The following EFHC2 variants were observed in gnomAD, a reference collection of about 807,000 sequenced individuals.
EFHC2 encodes the protein EF-hand domain-containing family member C2.
Under a neutral mutation model 52.7 loss-of-function variants are expected in EFHC2, and 18 were observed. The ratio of observed to expected loss-of-function variants is 0.34; its 90% confidence interval spans 0.24 to 0.51. EFHC2 has a LOEUF of 0.51. Among genes scored for constraint, EFHC2 ranks in the 20% least tolerant of loss-of-function variants. EFHC2 has a pLI of 0.97. For synonymous variants in EFHC2, 203 were observed against 204.1 expected (o/e 0.99, Z 0.04); for missense variants, 513 against 562.5 (o/e 0.91, Z 0.89).
At chrX:44,320,999 C>T (rs142735029) in intron 1 of EFHC2, among the ~76,000 whole-genome samples, 1,173 of 111,605 alleles carry the variant, frequency 0.011, 9 homozygotes, top group Non-Finnish European at 0.016. Context: ...GAAAGGATCG[C>T]TCTGGCCACA....
chrX:44,151,045 C>T (rs188615891), intron 14 of EFHC2, among the ~76,000 whole-genome samples: 1 of 110,218 alleles, frequency 9.1e-6, no homozygotes, highest in African/African-American at 3.3e-5. Flanking sequence ...AGGTTTGCAG[C>T]TGCAAACCAA....
intron 11 of EFHC2, among the ~76,000 whole-genome samples, chrX:44,193,493 C>T (rs73628316): frequency 0.065 from 7,240 of 111,712 alleles, 587 homozygotes; most frequent in African/African-American, 0.23. Flanking sequence ...AACTAGTTTC[C>T]TACAACAAAC....
intron 4 of EFHC2, among the ~76,000 whole-genome samples, chrX:44,251,597 T>TAAAAAAA (rs566022760): frequency 4.0e-4 from 5 of 12,553 alleles, no homozygotes; most frequent in Non-Finnish European, 6.2e-4. Flanking sequence ...CAATACTCTG[T>TAAAAAAA]AAAAAAAAAA....
chrX:44,261,430 C>CA, intron 3 of EFHC2, 132 bp from the exon 4 acceptor site: 1 of 505,708 alleles, frequency 2.0e-6, no homozygotes, highest in Non-Finnish European at 3.1e-6. Context: ...TAGGAAGCAG[C>CA]ATTAGTACAT....
At chrX:44,340,898 A>G (rs1429122280) in intron 1 of EFHC2, among the ~76,000 whole-genome samples, 4 of 112,290 alleles carry the variant, frequency 3.6e-5, no homozygotes, top group Non-Finnish European at 5.6e-5. Context: ...GACAGCATCT[A>G]CTACAGCTGA....
intron 11 of EFHC2, among the ~76,000 whole-genome samples, chrX:44,197,677 T>C (rs958347630): frequency 5.4e-5 from 6 of 112,121 alleles, no homozygotes; most frequent in Admixed American, 1.9e-4. Context: ...TATATGTTTA[T>C]TGAATGAAGA....
Position 44,343,640 on chromosome X carries a change from A to C in EFHC2, c.-52T>G. Reference sequence around the variant, plus strand: ...TCCCAGAAGAGAGGGCCCGGCAGGCAGCGGCGCCTCCCGGCCGTGTTGTTT... The same window carrying C: ...TCCCAGAAGAGAGGGCCCGGCAGGCCGCGGCGCCTCCCGGCCGTGTTGTTT... On this transcript the variant is annotated 5_prime_UTR_variant, in exon 1 of 15. Coordinates refer to ENST00000420999, the MANE Select transcript of EFHC2 (RefSeq NM_025184.4). 1.0e-6 allele frequency: 1 copy of C among 972,164 alleles called. No homozygotes were observed. The highest frequency in any genetic ancestry group is 1.3e-6 in the Non-Finnish European group (1 of 763,471). The allele number at this position is 972,164 out of a possible 1,213,427, so 80.1% of individuals were successfully genotyped here.
At chrX:44,156,176 C>T (rs2036604532) in intron 14 of EFHC2, among the ~76,000 whole-genome samples, 1 of 112,133 alleles carries the variant, frequency 8.9e-6, no homozygotes, top group Non-Finnish European at 1.9e-5. Context: ...TGGACATAAC[C>T]CGATGCTATA....
At chrX:44,215,557 G>A (rs1000703016) in intron 11 of EFHC2, among the ~76,000 whole-genome samples, 1 of 108,400 alleles carries the variant, frequency 9.2e-6, no homozygotes, top group Non-Finnish European at 1.9e-5. Context: ...GTTGGAAGGG[G>A]GAAGGCAGCG....
At chrX:44,242,957 C>A (rs1403836361) in intron 7 of EFHC2, among the ~76,000 whole-genome samples, 1 of 111,953 alleles carries the variant, frequency 8.9e-6, no homozygotes, top group Non-Finnish European at 1.9e-5. Flanking sequence ...AGCGAACAAA[C>A]AAAACAGAAA....
At chrX:44,243,479 A>C (rs983221361) in intron 7 of EFHC2, among the ~76,000 whole-genome samples, 7 of 112,151 alleles carry the variant, frequency 6.2e-5, no homozygotes, top group African/African-American at 2.3e-4. Context: ...CTAACTCTTA[A>C]TATTAAGGTG....
At chrX:44,233,738 C>T (rs2037297212) in intron 9 of EFHC2, among the ~76,000 whole-genome samples, 2 of 111,576 alleles carry the variant, frequency 1.8e-5, no homozygotes, top group Middle Eastern at 4.6e-3. Context: ...TGAAAATGTA[C>T]TTCTCAGGTC....
chrX:44,250,964 C>A (rs1048548157), intron 4 of EFHC2, among the ~76,000 whole-genome samples: 5 of 109,774 alleles, frequency 4.6e-5, no homozygotes, highest in Non-Finnish European at 9.5e-5. Flanking sequence ...ACTGGCCGGG[C>A]GCGGTGGCTC....
chrX:44,331,662 A>G (rs1285527935), intron 1 of EFHC2, among the ~76,000 whole-genome samples: 1 of 112,161 alleles, frequency 8.9e-6, no homozygotes, highest in Non-Finnish European at 1.9e-5. Context: ...CACACCTGTA[A>G]TCTCAACACT....
At chrX:44,277,173 G>A (rs2037664990) in intron 2 of EFHC2, among the ~76,000 whole-genome samples, 1 of 107,378 alleles carries the variant, frequency 9.3e-6, no homozygotes, top group Non-Finnish European at 1.9e-5. Flanking sequence ...GCAGGAGAAT[G>A]GCATGAACCT....
At chrX:44,312,863 C>A (rs1208722482) in intron 1 of EFHC2, 107 bp from the exon 2 acceptor site, 2 of 761,940 alleles carry the variant, frequency 2.6e-6, no homozygotes, top group Non-Finnish European at 1.8e-6. Context: ...TTTTCCCTCA[C>A]AAAATGCAAA....
chrX:44,337,192 G>A (rs1156328066), intron 1 of EFHC2, among the ~76,000 whole-genome samples: 1 of 111,627 alleles, frequency 9.0e-6, no homozygotes, highest in Non-Finnish European at 1.9e-5. Flanking sequence ...TATGCTGACT[G>A]AAAAGTTTTT....
At chrX:44,180,059 G>A in intron 11 of EFHC2, among the ~76,000 whole-genome samples, 1 of 111,848 alleles carries the variant, frequency 8.9e-6, no homozygotes, top group African/African-American at 3.2e-5. Flanking sequence ...ACAAAAGCCA[G>A]AATGTGAACC....
At chrX:44,184,929 T>C (rs1017967591) in intron 11 of EFHC2, among the ~76,000 whole-genome samples, 1 of 111,213 alleles carries the variant, frequency 9.0e-6, no homozygotes, top group African/African-American at 3.3e-5. Context: ...ATTTTGTTCA[T>C]TGTTGAATCT....
Sources: gnomAD v4.1 joint callset for allele counts (sites outside exome capture counted in the v4.1 genomes callset) on GRCh38, gnomAD v4.1.1 for gene constraint, MANE v1.5 for transcripts, NCBI Gene and HGNC (gene_info 2026-07-23, HGNC 2026-07-21) for gene names.